ZNF266: variants seen among roughly 807,000 people sequenced by gnomAD.
ZNF266 encodes zinc finger protein 1.
In ZNF266, 16 loss-of-function variants were observed where a neutral mutation model predicts 16.4. The ratio of observed to expected loss-of-function variants is 0.98; its 90% CI spans 0.66 to 1.48. ZNF266 has a LOEUF of 1.48. Among genes scored for constraint, ZNF266 ranks in the 40% most tolerant of loss-of-function variants. The pLI is 0.00. For missense variants in ZNF266, 738 were observed against 689.1 expected (o/e 1.07, Z -0.79); for synonymous variants, 262 against 237.9 (o/e 1.10, Z -0.93).
At chr19:9,428,831 C>T (rs1304204547) in intron 5 of ZNF266, among the ~76,000 whole-genome samples, 1 of 152,076 alleles carries the variant, frequency 6.6e-6, no homozygotes, top group Non-Finnish European at 1.5e-5. Context: ...TGCCAGGACA[C>T]TACTTATTCC....
chr19:9,416,663 C>CTTTT lies in ZNF266; in HGVS notation c.317-925_317-922dup, dbSNP rs368700653. Among the ~76,000 whole-genome samples the CTTTT allele has an allele frequency of 2.3e-4, 13 of 56,974 alleles. 1 individual carries two copies. The highest frequency in any genetic ancestry group is 6.0e-4 in the African/African-American group (8 of 13,290). 37.4% of individuals were successfully genotyped at this position (56,974 alleles called of 152,430 possible). ...ACAGACGTGAGCCACCGTGCCAGGC[C>CTTTT]TTTTTTTTTTTTTTTTTTTTTTTTT... On this transcript the variant is annotated intron_variant, in intron 9 of 10. Coordinates refer to ENST00000592904, the MANE Select transcript of ZNF266 (RefSeq NM_001370374.1).
At chr19:9,428,268 G>C (rs1430461594) in intron 5 of ZNF266, among the ~76,000 whole-genome samples, 1 of 152,192 alleles carries the variant, frequency 6.6e-6, no homozygotes, top group African/African-American at 2.4e-5. Flanking sequence ...CATAAGCTCT[G>C]CCTGGCCACT....
chr19:9,417,907 T>C lies in ZNF266; in HGVS notation c.237A>G (p.Gly79=), dbSNP rs757432274. Residue 79 remains glycine (G), a splice_region_variant and synonymous_variant, in exon 9 of 11, where the codon GGA becomes GGG. Coordinates refer to ENST00000592904, the MANE Select transcript of ZNF266 (RefSeq NM_001370374.1). ...TCAGACTGGGTTTGAAGAGCTGATA[T>C]CCTGTGCACAAAGAAAGATACATTA... ...LENYKNLATV[G]YQLFKPSLIS... The C allele has an allele frequency of 6.2e-7, 1 of 1,613,914 alleles. No individual in the cohort carries two copies. The highest frequency in any genetic ancestry group is 8.5e-7 in the Non-Finnish European group (1 of 1,179,932).
chr19:9,414,557 G>C lies in ZNF266; in HGVS notation c.569C>G (p.Ser190Cys), dbSNP rs1277030780. The C allele has an allele frequency of 1.2e-6, 2 of 1,613,878 alleles. No homozygotes were observed. The highest frequency in any genetic ancestry group is 2.7e-5 in the African/African-American group (2 of 74,924). Residue 190 changes from serine (S) to cysteine (C), a missense_variant, in exon 11 of 11, where the codon TCT becomes TGT. Transcript: ENST00000592904. ...VDFLTLHKKTSTGEQRSVFSQ... is the reference protein window; with the variant it reads ...VDFLTLHKKTCTGEQRSVFSQ... ...AAATACAGAACGTTGCTCTCCAGTA[G>C]AGGTTTTCTTGTGCAGAGTAAGGAA...
At chr19:9,417,613 G>C (rs1379662401) in intron 9 of ZNF266, among the ~76,000 whole-genome samples, 1 of 152,128 alleles carries the variant, frequency 6.6e-6, no homozygotes, top group Non-Finnish European at 1.5e-5. Context: ...TGTAATCCCA[G>C]CTACTCAGGG....
intron 5 of ZNF266, among the ~76,000 whole-genome samples, chr19:9,426,761 T>C (rs545017174): frequency 5.1e-4 from 78 of 152,308 alleles, no homozygotes; most frequent in African/African-American, 1.8e-3. Flanking sequence ...ATTACACTTA[T>C]ACCTGGGGAT....
chr19:9,428,769 A>T (rs1248310901), intron 5 of ZNF266, among the ~76,000 whole-genome samples: 1 of 152,040 alleles, frequency 6.6e-6, no homozygotes, highest in Non-Finnish European at 1.5e-5. Context: ...TACCCAAAAT[A>T]TAAAGCAAAA....
intron 9 of ZNF266, among the ~76,000 whole-genome samples, chr19:9,416,227 A>G (rs2068954917): frequency 6.6e-6 from 1 of 152,180 alleles, no homozygotes; most frequent in Non-Finnish European, 1.5e-5. Context: ...TAGCGTCAAA[A>G]TTTTACATAG....
In ZNF266 at chr19:9,413,300, T is replaced by G; in HGVS notation, c.1826A>C (p.His609Pro). 6.3e-7 allele frequency: 1 copy of G among 1,599,638 alleles called. No homozygotes were observed. ...TTATGCTGACAGTCTCTCATCCGCA[T>G]GCCTTCTTTCATGATTTCGAAAGGA... ...SSSFRNHERRHADERLSA is the reference protein window; with the variant it reads ...SSSFRNHERRPADERLSA Residue 609 changes from histidine (H) to proline (P), a missense_variant, in exon 11 of 11, where the codon CAT becomes CCT. Transcript: ENST00000592904.
chr19:9,433,326 G>T (rs1016363113), intron 5 of ZNF266, among the ~76,000 whole-genome samples: 16 of 152,086 alleles, frequency 1.1e-4, no homozygotes, highest in East Asian at 1.9e-4. Flanking sequence ...TACATGGATT[G>T]TATCAAGCCA....
rs981287907 is a variant in ZNF266, at chr19:9,423,014, G to C, written c.-129-2796C>G. Among the ~76,000 whole-genome samples the C allele has an allele frequency of 2.6e-5, 4 of 152,216 alleles. No homozygotes were observed. In the South Asian group the frequency reaches 8.3e-4, roughly 31 times the overall value. On this transcript the variant is annotated intron_variant, in intron 5 of 10. Coordinates refer to ENST00000592904, the MANE Select transcript of ZNF266 (RefSeq NM_001370374.1). ...TGCCTGCCGTGATCCACTAGAAATA[G>C]AGCAGACAAAATCACGTGCTCTAAA...
chr19:9,414,140 T>G lies in ZNF266; in HGVS notation c.986A>C (p.His329Pro). The change falls in exon 11 of 11, where the codon CAC (histidine) becomes CCC (proline). Residue 329 changes from histidine to proline, a missense_variant. His to Pro is a moderately conservative substitution (Grantham distance 77). Coordinates refer to ENST00000592904, the MANE Select transcript of ZNF266 (RefSeq NM_001370374.1). ...ACATTTATAAGGTTTCTCTCCAGTG[T>G]GAGTTTTTCTGTGCTGAGTAAGTTG... ...SCQLTQHRKTHTGEKPYKCKD... is the reference protein window; with the variant it reads ...SCQLTQHRKTPTGEKPYKCKD... 1 of 1,613,982 alleles carries G rather than the reference T, an allele frequency of 6.2e-7. No homozygotes were observed.
In ZNF266 at chr19:9,417,883, C is replaced by T; in HGVS notation, c.261G>A (p.Leu87=). ...TVGYQLFKPS[L]ISWLEQEESR... Reference sequence around the variant, plus strand: ...ACTCTTCTTGTTCCAGCCAAGAGATCAGACTGGGTTTGAAGAGCTGATATC... The same window carrying T: ...ACTCTTCTTGTTCCAGCCAAGAGATTAGACTGGGTTTGAAGAGCTGATATC... The change falls in exon 9 of 11, where the codon CTG becomes CTA. Residue 87 remains leucine (L), a synonymous_variant. Coordinates refer to ENST00000592904, the MANE Select transcript of ZNF266 (RefSeq NM_001370374.1). 1 of 1,614,096 alleles carries T rather than the reference C, an allele frequency of 6.2e-7. No individual in the cohort carries two copies. The highest frequency in any genetic ancestry group is 8.5e-7 in the Non-Finnish European group (1 of 1,179,992).
chr19:9,426,355 AAAC>A, intron 5 of ZNF266, among the ~76,000 whole-genome samples: 1 of 152,118 alleles, frequency 6.6e-6, no homozygotes, highest in Non-Finnish European at 1.5e-5. Context: ...AGAGGGAAAG[AAAC>A]TGATTGTCTT....
chr19:9,413,704 A>G lies in ZNF266; in HGVS notation c.1422T>C (p.Pro474=). The change falls in exon 11 of 11, where the codon CCT becomes CCC. Residue 474 remains proline (P), a synonymous_variant. Transcript: ENST00000592904. ...CTTTCCCACATTTGACACATTCAAA[A>G]GGCTTCTCTCCAGTGTGAGTTCTTG... ...EHTRTHTGEK[P]FECVKCGKAF... 1 of 1,612,934 alleles carries G rather than the reference A, an allele frequency of 6.2e-7. No homozygotes were observed. The highest frequency in any genetic ancestry group is 8.5e-7 in the Non-Finnish European group (1 of 1,179,648).
intron 5 of ZNF266, among the ~76,000 whole-genome samples, chr19:9,422,135 C>CCACT (rs1410239591): frequency 6.7e-6 from 1 of 148,870 alleles, no homozygotes; most frequent in African/African-American, 2.5e-5. Flanking sequence ...CAGGCGTGAG[C>CCACT]CACTGCACCT....
intron 5 of ZNF266, among the ~76,000 whole-genome samples, chr19:9,426,612 T>C (rs1873323142): frequency 6.6e-6 from 1 of 151,872 alleles, no homozygotes; most frequent in Non-Finnish European, 1.5e-5. Flanking sequence ...ATAATCCCGC[T>C]GGCCCTAGAT....
chr19:9,424,807 G>C (rs1038866935), intron 5 of ZNF266, among the ~76,000 whole-genome samples: 1 of 152,158 alleles, frequency 6.6e-6, no homozygotes, highest in East Asian at 1.9e-4. Flanking sequence ...GGAATACAAA[G>C]GACTGTTTGA....
chr19:9,433,240 G>T (rs757572972), intron 5 of ZNF266, among the ~76,000 whole-genome samples: 7 of 152,174 alleles, frequency 4.6e-5, no homozygotes, highest in Non-Finnish European at 1.0e-4. Context: ...AAGATCTGTT[G>T]TATTTCCAGG....
Sources: allele counts gnomAD v4.1 joint callset (sites outside exome capture counted in the v4.1 genomes callset), GRCh38; gene constraint gnomAD v4.1.1; transcripts MANE v1.5; gene names NCBI Gene and HGNC (gene_info 2026-07-23, HGNC 2026-07-21).